The following RBFOX1 variants were observed in gnomAD, a reference collection of about 807,000 sequenced individuals.
The protein encoded by RBFOX1 is RNA binding protein fox-1 homolog 1.
A neutral mutation model predicts 57.7 loss-of-function variants in RBFOX1; 8 were observed. The observed-to-expected ratio is 0.14, with a 90% CI of 0.08 to 0.25. The LOEUF (loss-of-function observed/expected upper bound fraction) is 0.25, where lower values mean the gene tolerates loss of function less well. Ranked by LOEUF, RBFOX1 falls within the 10% of genes least tolerant of loss-of-function variation. RBFOX1 has a pLI of 1.00. For missense variants in RBFOX1, 611 were observed against 548.5 expected (o/e 1.11, Z -1.14); for synonymous variants, 326 against 222.4 (o/e 1.47, Z -4.15).
chr16:6,529,720 C>A (rs932559564), intron 2 of RBFOX1, among the ~76,000 whole-genome samples: 1 of 152,088 alleles, frequency 6.6e-6, no homozygotes, highest in East Asian at 1.9e-4. Flanking sequence ...TGCATAGACT[C>A]CACAACACGT....
At chr16:7,339,979 C>T (rs538052757) in intron 4 of RBFOX1, among the ~76,000 whole-genome samples, 1 of 152,256 alleles carries the variant, frequency 6.6e-6, no homozygotes, top group South Asian at 2.1e-4. Flanking sequence ...TCCAAGCTTA[C>T]ATCTCATCTC....
intron 1 of RBFOX1, among the ~76,000 whole-genome samples, chr16:6,226,924 C>T (rs987394922): frequency 2.2e-5 from 3 of 135,474 alleles, no homozygotes; most frequent in Non-Finnish European, 4.7e-5. Context: ...GCCCGGCCAA[C>T]ATGATGAAAC....
At chr16:7,565,375 T>C (rs1259021172) in intron 5 of RBFOX1, among the ~76,000 whole-genome samples, 1 of 152,336 alleles carries the variant, frequency 6.6e-6, no homozygotes, top group South Asian at 2.1e-4. Context: ...GATTGCTTTT[T>C]TATCAGGTTT....
At chr16:6,626,786 A>G (rs557289959) in intron 2 of RBFOX1, among the ~76,000 whole-genome samples, 1,670 of 143,498 alleles carry the variant, frequency 0.012, 13 homozygotes, top group Non-Finnish European at 0.019. Context: ...AAAATAAAAT[A>G]GAAATAAAAT....
intron 2 of RBFOX1, among the ~76,000 whole-genome samples, chr16:5,514,588 G>C (rs913275318): frequency 6.6e-6 from 1 of 152,170 alleles, no homozygotes; most frequent in African/African-American, 2.4e-5. Flanking sequence ...CACACTGTCA[G>C]CCTGCCACAG....
chr16:6,861,664 C>T (rs1393691760), intron 3 of RBFOX1, among the ~76,000 whole-genome samples: 4 of 151,926 alleles, frequency 2.6e-5, no homozygotes, highest in East Asian at 1.9e-4. Flanking sequence ...CATGCAACCT[C>T]CTCTATTTTT....
At chr16:5,603,593 A>G (rs1227722781), downstream of RBFOX1, among the ~76,000 whole-genome samples, 1 of 152,232 alleles carries the variant, frequency 6.6e-6, no homozygotes, top group African/African-American at 2.4e-5. Flanking sequence ...CCTGTTGGAG[A>G]CCAATCTTTC....
At chr16:5,841,196 A>G (rs1474789326) in intron 3 of RBFOX1, among the ~76,000 whole-genome samples, 1 of 152,202 alleles carries the variant, frequency 6.6e-6, no homozygotes, top group Admixed American at 6.5e-5. Context: ...AGGTACTGTT[A>G]TCACCACCAA....
At chr16:7,066,362 A>C (rs1180406970) in intron 4 of RBFOX1, among the ~76,000 whole-genome samples, 1 of 152,206 alleles carries the variant, frequency 6.6e-6, no homozygotes, top group Non-Finnish European at 1.5e-5. Context: ...TAAAATGATC[A>C]GTCCCATTGT....
chr16:7,169,976 G>T (rs573606881), intron 4 of RBFOX1, among the ~76,000 whole-genome samples: 2 of 152,192 alleles, frequency 1.3e-5, no homozygotes, highest in Admixed American at 1.3e-4. Flanking sequence ...GGGAGGATCA[G>T]GTAGGAGGAT....
chr16:5,530,970 A>AAAAAAAAAAAAAAG (rs2044452707), intron 2 of RBFOX1, among the ~76,000 whole-genome samples: 1 of 122,428 alleles, frequency 8.2e-6, no homozygotes, highest in Non-Finnish European at 1.7e-5. Flanking sequence ...AAAAAAAAAA[A>AAAAAAAAAAAAAAG]AAAAATTAGC....
intron 4 of RBFOX1, among the ~76,000 whole-genome samples, chr16:6,000,668 G>C (rs1257245504): frequency 6.6e-6 from 1 of 151,992 alleles, no homozygotes; most frequent in African/African-American, 2.4e-5. Flanking sequence ...TGGATGGGTA[G>C]ATGAATGGGT....
intron 4 of RBFOX1, among the ~76,000 whole-genome samples, chr16:7,214,409 C>G (rs1223109758): frequency 6.6e-6 from 1 of 152,086 alleles, no homozygotes; most frequent in Admixed American, 6.6e-5. Flanking sequence ...CTTAATTCCT[C>G]TCTCATGGGC....
At chr16:7,550,129 C>T (rs189577129) in intron 5 of RBFOX1, among the ~76,000 whole-genome samples, 136 of 152,160 alleles carry the variant, frequency 8.9e-4, no homozygotes, top group Middle Eastern at 3.4e-3. Flanking sequence ...GGAGGTCTTT[C>T]TATGTTGCCC....
At chr16:5,697,609 C>T (rs148291909) in intron 3 of RBFOX1, among the ~76,000 whole-genome samples, 12 of 149,448 alleles carry the variant, frequency 8.0e-5, no homozygotes, top group African/African-American at 2.9e-4. Context: ...CCTCAGCTCA[C>T]TGCAACCTCT....
In RBFOX1 at chr16:6,815,857, CTCAG is replaced by C. The variant is rs559100774; in HGVS notation, c.-16+161210_-16+161213del. On this transcript the variant is annotated intron_variant, in intron 3 of 15. Transcript: ENST00000550418. ...TTAATTCTCACAACATTTGTCAACA[CTCAG>C]TCTGTTTGAATGGGTATAATTTAAA... Among the ~76,000 whole-genome samples the C allele has an allele frequency of 2.4e-3, 368 of 152,338 alleles. 3 individuals are homozygous for C. Among genetic ancestry groups the C allele is most frequent in the African/African-American group, 8.4e-3 (348 of 41,570 alleles).
chr16:7,634,726 C>T (rs1220169730), intron 11 of RBFOX1, among the ~76,000 whole-genome samples: 2 of 152,124 alleles, frequency 1.3e-5, no homozygotes, highest in African/African-American at 4.8e-5. Context: ...TTCTCCGTCA[C>T]CCCTGAACTT....
At chr16:6,417,135 C>A (rs768508666) in intron 2 of RBFOX1, among the ~76,000 whole-genome samples, 29 of 152,216 alleles carry the variant, frequency 1.9e-4, no homozygotes, top group South Asian at 1.5e-3. Context: ...CCTCAGCCTC[C>A]CAAGTAGCTG....
In RBFOX1 at chr16:6,606,967, C is replaced by A. The variant is rs368422475; in HGVS notation, c.-63-47636C>A. On this transcript the variant is annotated intron_variant, in intron 2 of 15. Coordinates refer to ENST00000550418, the MANE Select transcript of RBFOX1 (RefSeq NM_018723.4). ...CACAATGGTTGAACAAATTTACATT[C>A]CCACTAACAGTGTAAAAGCATTCCT... 3.3e-5 allele frequency among the ~76,000 whole-genome samples: 5 copies of A among 152,318 alleles called. No individual in the cohort carries two copies. In the South Asian group the frequency reaches 1.0e-3, roughly 32 times the overall value.
Sources: gnomAD v4.1 joint callset for allele counts (sites outside exome capture counted in the v4.1 genomes callset) on GRCh38, gnomAD v4.1.1 for gene constraint, MANE v1.5 for transcripts, NCBI Gene and HGNC (gene_info 2026-07-23, HGNC 2026-07-21) for gene names.